Variants in TMED8 observed in about 807,000 individuals in gnomAD.
The protein encoded by TMED8 is protein TMED8.
A neutral mutation model predicts 32.7 loss-of-function variants in TMED8; 15 were observed. That is an observed-to-expected ratio of 0.46 (90% CI 0.31 to 0.71). TMED8 has a LOEUF of 0.71. Ranked by LOEUF, TMED8 falls within the 30% of genes least tolerant of loss-of-function variation. The pLI is 0.06. For missense variants in TMED8, 390 were observed against 423.9 expected (o/e 0.92, Z 0.70); for synonymous variants, 147 against 161.4 (o/e 0.91, Z 0.68).
At chr14:77,359,666 T>C in intron 1 of TMED8, 4 of 326,070 alleles carry the variant, frequency 1.2e-5, no homozygotes, top group Non-Finnish European at 2.4e-5. Context: ...TCAACGCCAT[T>C]CTGGTACACA....
chr14:77,371,789 T>A (rs914090580), intron 1 of TMED8, among the ~76,000 whole-genome samples: 2 of 152,234 alleles, frequency 1.3e-5, no homozygotes, highest in African/African-American at 4.8e-5. Flanking sequence ...GTATAGCTTT[T>A]ATTATATTAG....
chr14:77,343,971 T>C, intron 3 of TMED8, 148 bp from the exon 4 acceptor site: 1 of 756,594 alleles, frequency 1.3e-6, no homozygotes, highest in African/African-American at 1.8e-5. Context: ...CTTCTCTTTC[T>C]TCCAAATAGA....
At chr14:77,347,364 G>A (rs1893073214) in intron 2 of TMED8, among the ~76,000 whole-genome samples, 1 of 152,208 alleles carries the variant, frequency 6.6e-6, no homozygotes, top group Admixed American at 6.5e-5. Context: ...CCCTGTCCCC[G>A]TTCAGTGCTA....
chr14:77,342,084 G>A, intron 5 of TMED8, 96 bp from the exon 6 acceptor site: 1 of 1,008,440 alleles, frequency 9.9e-7, no homozygotes, highest in Non-Finnish European at 1.5e-6. Flanking sequence ...TCACAGAGCG[G>A]GGAGATTATT....
At chr14:77,360,994 T>C (rs948246102) in intron 1 of TMED8, among the ~76,000 whole-genome samples, 69 of 109,934 alleles carry the variant, frequency 6.3e-4, no homozygotes, top group Non-Finnish European at 8.3e-4. Flanking sequence ...TTTTTTTTTT[T>C]CAGACAGAGT....
At chr14:77,344,257 T>G (rs1372484973) in intron 3 of TMED8, among the ~76,000 whole-genome samples, 1 of 152,206 alleles carries the variant, frequency 6.6e-6, no homozygotes, top group Non-Finnish European at 1.5e-5. Flanking sequence ...CACATCCTCC[T>G]GCTACAATTC....
At position 77,341,045 on chromosome 14, in the gene TMED8, G is replaced by C. The variant is rs930306271; in HGVS notation, c.*726C>G. The stretch of plus-strand genomic sequence containing the variant: ...CCAGTGCCCATAGTAAGGGAAACCA[G>C]CTCTTGGAATAGGAAATAATGGGGG... On this transcript the variant is annotated 3_prime_UTR_variant, in exon 6 of 6. Coordinates refer to ENST00000216468, the MANE Select transcript of TMED8 (RefSeq NM_213601.3). 1.3e-5 allele frequency: 2 copies of C among 152,102 alleles called. No homozygotes were observed. The highest frequency in any genetic ancestry group is 2.9e-5 in the Non-Finnish European group (2 of 68,026). The allele number at this position is 152,102 out of a possible 1,614,324, so 9.4% of individuals were successfully genotyped here. A position where few individuals can be genotyped will look rare whatever the true frequency, so the allele number is the denominator to read the frequency against.
chr14:77,342,867 G>A lies in TMED8; in HGVS notation c.760+311C>T, dbSNP rs571849242. ...GTAAAATAATCTCTGGCTTACATGCGACCTGAATGACCATCCCTCTAAACT... is the reference window on the plus strand; with the variant it reads ...GTAAAATAATCTCTGGCTTACATGCAACCTGAATGACCATCCCTCTAAACT... On this transcript the variant is annotated intron_variant, in intron 5 of 5. Coordinates refer to ENST00000216468, the MANE Select transcript of TMED8 (RefSeq NM_213601.3). Among the ~76,000 whole-genome samples the A allele has an allele frequency of 1.7e-4, 26 of 152,228 alleles. No individual in the cohort carries two copies. The South Asian group carries it at 2.1e-3, about 12-fold the overall frequency.
intron 2 of TMED8, among the ~76,000 whole-genome samples, chr14:77,349,650 CAG>C (rs994059867): frequency 3.3e-5 from 5 of 152,142 alleles, no homozygotes; most frequent in African/African-American, 1.2e-4. Flanking sequence ...AGAGGTTTCT[CAG>C]AGGTCTGTAT....
chr14:77,363,928 C>A lies in TMED8; in HGVS notation c.119-12177G>T, dbSNP rs532056810. Among the ~76,000 whole-genome samples, 3 of 152,248 alleles carry A rather than the reference C, an allele frequency of 2.0e-5. No individual in the cohort carries two copies. In the South Asian group the frequency reaches 6.2e-4, roughly 32 times the overall value. On this transcript the variant is annotated intron_variant, in intron 1 of 5. Coordinates refer to ENST00000216468, the MANE Select transcript of TMED8 (RefSeq NM_213601.3). ...CAGTCTATTAATATTGCAAACTGTG[C>A]TACAATGCCTTGTGCATATTTCATA... is the stretch of plus-strand genomic sequence containing the variant.
chr14:77,361,157 T>C (rs1444740966), intron 1 of TMED8, among the ~76,000 whole-genome samples: 1 of 152,054 alleles, frequency 6.6e-6, no homozygotes, highest in East Asian at 1.9e-4. Flanking sequence ...TTTTTTTGTA[T>C]TTTCAGTAGA....
chr14:77,346,890 T>C (rs766195062), intron 2 of TMED8, among the ~76,000 whole-genome samples: 3 of 151,596 alleles, frequency 2.0e-5, no homozygotes, highest in Non-Finnish European at 2.9e-5. Flanking sequence ...AATGATTAAA[T>C]TGAGCTAATT....
chr14:77,372,906 T>TTATATA (rs1167584417), intron 1 of TMED8, among the ~76,000 whole-genome samples: 182 of 35,222 alleles, frequency 5.2e-3, no homozygotes, highest in Non-Finnish European at 6.7e-3. Flanking sequence ...GCCACAGATA[T>TTATATA]TATATATATA....
intron 2 of TMED8, among the ~76,000 whole-genome samples, chr14:77,351,283 G>A (rs1242501028): frequency 6.6e-6 from 1 of 150,664 alleles, no homozygotes; most frequent in Non-Finnish European, 1.5e-5. Context: ...TCAGGAGTTC[G>A]AGACCAGCCT....
rs74063341 is a variant in TMED8 at position 77,359,563 on chromosome 14, A to G, written c.119-7812T>C. On this transcript the variant is annotated intron_variant, in intron 1 of 5. Coordinates refer to ENST00000216468, the MANE Select transcript of TMED8 (RefSeq NM_213601.3). ...CTGTGTTGTTTTCATAATATCTGCT[A>G]TCGAGTAAAACTGAAGAGTGGCTTT... 6.6e-3 allele frequency: 2,751 copies of G among 416,958 alleles called. 61 individuals carry two copies. Among genetic ancestry groups the G allele is most frequent in the African/African-American group, 0.055 (2,552 of 46,806 alleles). The allele number at this position is 416,958 out of a possible 1,614,324, so 25.8% of individuals were successfully genotyped here. A position where few individuals can be genotyped will look rare whatever the true frequency, so the allele number is the denominator to read the frequency against.
intron 5 of TMED8, among the ~76,000 whole-genome samples, chr14:77,342,863 A>C (rs956829915): frequency 2.0e-5 from 3 of 152,220 alleles, no homozygotes; most frequent in Admixed American, 6.5e-5. Flanking sequence ...TCTGGCTTAC[A>C]TGCGACCTGA....
chr14:77,336,355 A>G lies in TMED8; in HGVS notation c.*5416T>C, dbSNP rs1892759806. ...CCTGGGGCCTAAAAAAATCAGGTAC[A>G]TATAATAGGAATCACATCATGAGCC... On this transcript the variant is annotated 3_prime_UTR_variant, in exon 6 of 6. Transcript: ENST00000216468. 1 of 152,180 alleles carries G rather than the reference A, an allele frequency of 6.6e-6. No homozygotes were observed. The highest frequency in any genetic ancestry group is 2.1e-4 in the South Asian group (1 of 4,828). 9.4% of individuals were successfully genotyped at this position (152,180 alleles called of 1,614,324 possible). A position where few individuals can be genotyped will look rare whatever the true frequency, so the allele number is the denominator to read the frequency against.
At chr14:77,367,336 A>G (rs1217804459) in intron 1 of TMED8, among the ~76,000 whole-genome samples, 1 of 152,062 alleles carries the variant, frequency 6.6e-6, no homozygotes, top group Admixed American at 6.6e-5. Flanking sequence ...GTATACCTCA[A>G]TAAATTATCA....
chr14:77,364,624 C>T lies in TMED8; in HGVS notation c.118+12312G>A, dbSNP rs142028334. Among the ~76,000 whole-genome samples the T allele has an allele frequency of 3.5e-3, 538 of 152,204 alleles. 4 individuals are homozygous for T. The highest frequency in any genetic ancestry group is 0.012 in the African/African-American group (503 of 41,514). ...CTCACTGCAGCCTCAAACTCTTGGGCTCAAGTGATCCTCCTGCCTCAGCCT... is the reference window on the plus strand; with the variant it reads ...CTCACTGCAGCCTCAAACTCTTGGGTTCAAGTGATCCTCCTGCCTCAGCCT... On this transcript the variant is annotated intron_variant, in intron 1 of 5. Transcript: ENST00000216468.
Sources: gnomAD v4.1 joint callset for allele counts (sites outside exome capture counted in the v4.1 genomes callset) on GRCh38, gnomAD v4.1.1 for gene constraint, MANE v1.5 for transcripts, NCBI Gene and HGNC (gene_info 2026-07-23, HGNC 2026-07-21) for gene names.